ANKRD30B: variants seen among roughly 807,000 people sequenced by gnomAD.
ANKRD30B encodes the protein ankyrin repeat domain-containing protein 30B.
ANKRD30B carries 144 observed loss-of-function variants against 202.2 expected under a neutral mutation model. The ratio of observed to expected loss-of-function variants is 0.71; its 90% confidence interval spans 0.62 to 0.82. The LOEUF is 0.82. Ranked by LOEUF, ANKRD30B falls within the 40% of genes least tolerant of loss-of-function variation. The probability of loss-of-function intolerance (pLI) is 0.00; values close to 1 mark genes in which losing one functional copy is unlikely to be tolerated. For synonymous variants in ANKRD30B, 508 were observed against 561.3 expected (o/e 0.91, Z 1.34); for missense variants, 1,487 against 1,669.1 (o/e 0.89, Z 1.90).
intron 14 of ANKRD30B, among the ~76,000 whole-genome samples, chr18:14,785,932 G>C (rs568265363): frequency 2.0e-5 from 3 of 151,998 alleles, no homozygotes; most frequent in Admixed American, 1.3e-4. Context: ...CAGCTACTCG[G>C]GAGGCTGAGG....
downstream of ANKRD30B, among the ~76,000 whole-genome samples, chr18:14,858,755 C>T (rs1395500340): frequency 3.5e-5 from 5 of 143,962 alleles, no homozygotes; most frequent in South Asian, 4.3e-4. Context: ...TCCTCACCTC[C>T]CAGGGGGGGC....
chr18:14,873,309 A>T, the ANKRD30B span, among the ~76,000 whole-genome samples: 1 of 152,180 alleles, frequency 6.6e-6, no homozygotes, highest in African/African-American at 2.4e-5. Context: ...GTGGATCACG[A>T]GGTCAGAATT....
At chr18:14,872,797 A>T in the ANKRD30B span, among the ~76,000 whole-genome samples, 1 of 152,164 alleles carries the variant, frequency 6.6e-6, no homozygotes, top group Admixed American at 6.5e-5. Flanking sequence ...GCAGGAGTCG[A>T]TACAACTGGC....
At chr18:14,804,344 C>A (rs1047714359) in intron 24 of ANKRD30B, among the ~76,000 whole-genome samples, 1 of 105,714 alleles carries the variant, frequency 9.5e-6, no homozygotes, top group Non-Finnish European at 1.9e-5. Flanking sequence ...AAGCAGCTGA[C>A]CATGGAGAGC....
In ANKRD30B at chr18:14,808,487, C is replaced by T. The variant is rs778436799; in HGVS notation, c.2285-64C>T. On this transcript the variant is annotated intron_variant, in intron 24 of 43. Transcript: ENST00000690538. ...GACTCATCTTCATATTCACATTGTA[C>T]GAATGCTTGGTAGGCTTTGTCAGGC... The T allele has an allele frequency of 4.8e-5, 64 of 1,323,650 alleles. 1 individual carries two copies. The highest frequency in any genetic ancestry group is 2.3e-4 in the Middle Eastern group (1 of 4,342). 82.0% of individuals were successfully genotyped at this position (1,323,650 alleles called of 1,614,324 possible). A position where few individuals can be genotyped will look rare whatever the true frequency, so the allele number is the denominator to read the frequency against.
At chr18:14,879,300 C>T in the ANKRD30B span, among the ~76,000 whole-genome samples, 5 of 150,566 alleles carry the variant, frequency 3.3e-5, no homozygotes, top group Admixed American at 6.6e-5. Context: ...CAAGGCGAGG[C>T]GGCCACAGTG....
At chr18:14,749,694 A>T (rs1258500134) in intron 1 of ANKRD30B, among the ~76,000 whole-genome samples, 11 of 122,190 alleles carry the variant, frequency 9.0e-5, no homozygotes, top group African/African-American at 3.5e-4. Context: ...AAAAAAAAAA[A>T]AAAAAAAATC....
At chr18:14,855,212 C>T (rs1182356283), downstream of ANKRD30B, among the ~76,000 whole-genome samples, 5 of 152,228 alleles carry the variant, frequency 3.3e-5, no homozygotes, top group South Asian at 6.2e-4. Context: ...TCAGAGAGCA[C>T]GGGGTTGGGG....
At chr18:14,873,943 G>A in the ANKRD30B span, among the ~76,000 whole-genome samples, 2 of 152,114 alleles carry the variant, frequency 1.3e-5, no homozygotes. Context: ...GTTTTCTCCT[G>A]GGGAAACACC....
chr18:14,818,356 T>A (rs1037189144), intron 30 of ANKRD30B, among the ~76,000 whole-genome samples: 3 of 152,074 alleles, frequency 2.0e-5, no homozygotes, highest in Non-Finnish European at 4.4e-5. Context: ...TCATATTAGG[T>A]GTTTTTTCTT....
chr18:14,896,851 TTTAA>T, the ANKRD30B span, among the ~76,000 whole-genome samples: 1 of 149,678 alleles, frequency 6.7e-6, no homozygotes, highest in African/African-American at 2.5e-5. Context: ...ATCTGATTAC[TTTAA>T]TTATGATATC....
intron 24 of ANKRD30B, 47 bp from the exon 25 acceptor site, chr18:14,808,504 T>C (rs1273725334): frequency 1.5e-6 from 2 of 1,365,372 alleles, no homozygotes; most frequent in African/African-American, 2.9e-5. Flanking sequence ...TTGGTAGGCT[T>C]TGTCAGGCTT....
the ANKRD30B span, among the ~76,000 whole-genome samples, chr18:14,872,999 C>T: frequency 6.6e-6 from 1 of 151,980 alleles, no homozygotes; most frequent in East Asian, 1.9e-4. Context: ...AGAGTTGCCA[C>T]ATGGAGAGTG....
chr18:14,795,577 C>A (rs1968818551), intron 16 of ANKRD30B, among the ~76,000 whole-genome samples: 1 of 152,062 alleles, frequency 6.6e-6, no homozygotes, highest in Non-Finnish European at 1.5e-5. Context: ...AACCAGAGAA[C>A]CCCATAAATG....
intron 4 of ANKRD30B, among the ~76,000 whole-genome samples, chr18:14,755,724 G>A (rs1191603102): frequency 1.3e-5 from 2 of 152,146 alleles, no homozygotes; most frequent in Non-Finnish European, 2.9e-5. Flanking sequence ...TCCTACAAAG[G>A]ACATGAACTC....
intron 34 of ANKRD30B, among the ~76,000 whole-genome samples, chr18:14,832,955 G>T (rs1250624954): frequency 1.3e-5 from 2 of 151,998 alleles, no homozygotes; most frequent in Non-Finnish European, 2.9e-5. Flanking sequence ...TTGTTTTTTT[G>T]AGATGGAGTC....
At chr18:14,832,242 C>T in intron 34 of ANKRD30B, among the ~76,000 whole-genome samples, 1 of 152,048 alleles carries the variant, frequency 6.6e-6, no homozygotes, top group East Asian at 1.9e-4. Flanking sequence ...AATTCTCTTT[C>T]TCAGAATCTG....
Position 14,787,069 on chromosome 18 carries a change from A to T in ANKRD30B, c.1703A>T (p.Lys568Met), listed in dbSNP as rs1213776941. 1 of 1,609,272 alleles carries T rather than the reference A, an allele frequency of 6.2e-7. No homozygotes were observed. The highest frequency in any genetic ancestry group is 8.5e-7 in the Non-Finnish European group (1 of 1,176,982). ...ATGTTCCCATCAGAATCCAAACAAA[A>T]GGACGATGAAGAAAATTCTTGGGAT... ...AQMFPSESKQ[K>M]DDEENSWDSE... The change falls in exon 15 of 44, where the codon AAG becomes ATG. Residue 568 changes from lysine to methionine, a missense_variant. Physicochemically the swap from Lys to Met is moderately conservative, Grantham distance 95. Transcript: ENST00000690538.
the ANKRD30B span, among the ~76,000 whole-genome samples, chr18:14,940,332 C>T: frequency 6.6e-6 from 1 of 152,202 alleles, no homozygotes; most frequent in African/African-American, 2.4e-5. Flanking sequence ...GCTCTGCCGC[C>T]CTCACTGGAG....
Sources: allele counts gnomAD v4.1 joint callset (sites outside exome capture counted in the v4.1 genomes callset), GRCh38; gene constraint gnomAD v4.1.1; transcripts MANE v1.5; gene names NCBI Gene and HGNC (gene_info 2026-07-23, HGNC 2026-07-21).